GPRIN1: variants seen among roughly 807,000 people sequenced by gnomAD.
GPRIN1 encodes the protein G protein-regulated inducer of neurite outgrowth 1.
A neutral mutation model predicts 2.8 loss-of-function variants in GPRIN1; 4 were observed. The ratio of observed to expected loss-of-function variants is 1.45; its 90% CI spans 0.71 to 3.32. GPRIN1 has a LOEUF of 3.32. Among genes scored for constraint, GPRIN1 ranks in the 30% most tolerant of loss-of-function variants. The pLI is 0.01. For missense variants in GPRIN1, 1,322 were observed against 1,343.4 expected (o/e 0.98, Z 0.25); for synonymous variants, 589 against 589.9 (o/e 1.00, Z 0.02).
rs1440748988 is a variant in GPRIN1, at chr5:176,599,458, G to A, written c.377C>T (p.Ser126Phe). ...GGAGGACACAGGCTCTGGCTTCCCA[G>A]ACGTGGTGGCTTCTGGTGTCCCTGA... ...SISGTPEATT[S>F]GKPEPVSSVK... is the part of the protein sequence containing the mutation. Residue 126 changes from serine (S) to phenylalanine (F), a missense_variant, in exon 2 of 2, where the codon TCT becomes TTT. Transcript: ENST00000303991. 1.2e-6 allele frequency: 2 copies of A among 1,614,160 alleles called. No individual in the cohort carries two copies. The highest frequency in any genetic ancestry group is 1.7e-6 in the Non-Finnish European group (2 of 1,179,988).
chr5:176,597,387 C>T lies in GPRIN1; in HGVS notation c.2448G>A (p.Ala816=), dbSNP rs1759058235. 4.7e-6 allele frequency: 6 copies of T among 1,282,658 alleles called. No homozygotes were observed. Among genetic ancestry groups the T allele is most frequent in the Non-Finnish European group, 5.9e-6 (6 of 1,019,110 alleles). The allele number at this position is 1,282,658 out of a possible 1,614,324, so 79.5% of individuals were successfully genotyped here. Reference sequence around the variant, plus strand: ...CCACTGAGACGCAGGCCTGCGCGCCCGCCTGAGTGCCCGCGTCCTCGCGCG... The same window carrying T: ...CCACTGAGACGCAGGCCTGCGCGCCTGCCTGAGTGCCCGCGTCCTCGCGCG... ...PPPREDAGTQ[A]GAQACVSVAV... is the part of the protein sequence containing the mutation. The change falls in exon 2 of 2, where the codon GCG becomes GCA. Residue 816 remains alanine (A), a synonymous_variant. Transcript: ENST00000303991. This position sits in a 1 kb window ranked among gnomAD's most constrained non-coding sequence, Gnocchi z 6.1.
Position 176,599,327 on chromosome 5 carries a change from C to G in GPRIN1, c.508G>C (p.Asp170His), listed in dbSNP as rs1759108922. The change falls in exon 2 of 2, where the codon GAT (aspartate) becomes CAT (histidine). Residue 170 changes from aspartate (D) to histidine (H), a missense_variant. By Grantham distance (81) the Asp-to-His change is moderately conservative (BLOSUM62 -1). This residue lies in a region of GPRIN1 where 1,117 missense variants were observed against 1,128.6 expected (regional missense o/e 0.99). Transcript: ENST00000303991. ...TCTGCCTTCCGTGAGGACCCAGGAT[C>G]CTCCTTTCCTATGGAAGTGGAATCG... Reference protein sequence around the residue: ...QADSTSIGKEDPGSSRKADPM... With the variant: ...QADSTSIGKEHPGSSRKADPM... 6.2e-7 allele frequency: 1 copy of G among 1,614,100 alleles called. No homozygotes were observed. The highest frequency in any genetic ancestry group is 8.5e-7 in the Non-Finnish European group (1 of 1,180,046).
In GPRIN1 at chr5:176,595,922, G is replaced by T. The variant is rs768002048; in HGVS notation, c.*886C>A. The T allele has an allele frequency of 2.6e-6, 1 of 384,744 alleles. No individual in the cohort carries two copies. Among genetic ancestry groups the T allele is most frequent in the East Asian group, 4.0e-5 (1 of 25,054 alleles). 23.8% of individuals were successfully genotyped at this position (384,744 alleles called of 1,614,324 possible). A position where few individuals can be genotyped will look rare whatever the true frequency, so the allele number is the denominator to read the frequency against. ...GGACTTGGGCTCACAGCACAGGGGG[G>T]ACAAGGGGCTGGAGAGGGTGGCCTT... On this transcript the variant is annotated 3_prime_UTR_variant, in exon 2 of 2. Transcript: ENST00000303991.
rs768864532 is a variant in GPRIN1 at position 176,598,359 on chromosome 5, T to A, written c.1476A>T (p.Ser492=). 6.2e-7 allele frequency: 1 copy of A among 1,613,852 alleles called. No homozygotes were observed. Among genetic ancestry groups the A allele is most frequent in the South Asian group, 1.1e-5 (1 of 91,074 alleles). The part of the protein sequence containing the change: ...ESSGKTNPVS[S]GPGDPRSLGT... ...CCAAGGACCTGGGATCGCCTGGACCTGAAGACACAGGGTTTGTCTTTCCTG... is the reference window on the plus strand; with the variant it reads ...CCAAGGACCTGGGATCGCCTGGACCAGAAGACACAGGGTTTGTCTTTCCTG... The change falls in exon 2 of 2, where the codon TCA becomes TCT. Residue 492 remains serine (S), a synonymous_variant. Coordinates refer to ENST00000303991, the MANE Select transcript of GPRIN1 (RefSeq NM_052899.3).
rs746261506 is a variant in GPRIN1, at chr5:176,598,604, T to C, written c.1231A>G (p.Met411Val). ...DLTSLKNVDP[M>V]SSGKVDPVSL... ...ACTGGATCCACCTTGCCTGAAGACA[T>C]GGGATCCACATTTTTCAAAGATGTG... The change falls in exon 2 of 2, where the codon ATG becomes GTG. Residue 411 changes from methionine to valine, a missense_variant. Physicochemically the swap from Met to Val is conservative, Grantham distance 21. This residue lies in a region of GPRIN1 where 1,117 missense variants were observed against 1,128.6 expected (regional missense o/e 0.99). Transcript: ENST00000303991. 2 of 1,614,110 alleles carry C rather than the reference T, an allele frequency of 1.2e-6. No individual in the cohort carries two copies. The highest frequency in any genetic ancestry group is 1.7e-5 in the Admixed American group (1 of 60,026).
intron 1 of GPRIN1, among the ~76,000 whole-genome samples, chr5:176,608,332 T>G (rs1759255707): frequency 1.3e-5 from 2 of 152,138 alleles, no homozygotes; most frequent in African/African-American, 2.4e-5. Flanking sequence ...CCCCTCCCCC[T>G]GCATACATTC....
At chr5:176,606,799 C>G (rs1759226280) in intron 1 of GPRIN1, among the ~76,000 whole-genome samples, 1 of 152,244 alleles carries the variant, frequency 6.6e-6, no homozygotes, top group South Asian at 2.1e-4. Flanking sequence ...CGAGCCCTTA[C>G]TATGTGCAAA....
Position 176,602,306 on chromosome 5 carries a change from A to G in GPRIN1, c.-43-2429T>C, listed in dbSNP as rs982754566. ...CTGGCATTCTCCACCCTCTTATTCTAATCAGTTTTCCTCCATAGTACCTGT... is the reference window on the plus strand; with the variant it reads ...CTGGCATTCTCCACCCTCTTATTCTGATCAGTTTTCCTCCATAGTACCTGT... On this transcript the variant is annotated intron_variant, in intron 1 of 1. Transcript: ENST00000303991. The surrounding 1 kb of genome is among the most constrained non-coding windows in gnomAD (Gnocchi z 4.4). Among the ~76,000 whole-genome samples, 2 of 152,208 alleles carry G rather than the reference A, an allele frequency of 1.3e-5. No homozygotes were observed. The highest frequency in any genetic ancestry group is 4.8e-5 in the African/African-American group (2 of 41,528).
At chr5:176,608,811 C>T (rs1561889480) in intron 1 of GPRIN1, among the ~76,000 whole-genome samples, 1 of 152,168 alleles carries the variant, frequency 6.6e-6, no homozygotes, top group Non-Finnish European at 1.5e-5. Flanking sequence ...ATCCTTACAC[C>T]CATAAACAGG....
chr5:176,599,220 A>G lies in GPRIN1; in HGVS notation c.615T>C (p.Thr205=), dbSNP rs1474331582. The change falls in exon 2 of 2, where the codon ACT becomes ACC. Residue 205 remains threonine (T), a synonymous_variant. Coordinates refer to ENST00000303991, the MANE Select transcript of GPRIN1 (RefSeq NM_052899.3). ...PVAPGRMDPM[T]VRKEDLGSLG... is the part of the protein sequence containing the mutation. ...GGGATCCAAGATCTTCCTTTCTTACAGTCATGGGATCCATCCTTCCAGGAG... is the reference window on the plus strand; with the variant it reads ...GGGATCCAAGATCTTCCTTTCTTACGGTCATGGGATCCATCCTTCCAGGAG... The G allele has an allele frequency of 6.2e-7, 1 of 1,613,636 alleles. No homozygotes were observed. Among genetic ancestry groups the G allele is most frequent in the Non-Finnish European group, 8.5e-7 (1 of 1,179,936 alleles).
In GPRIN1 at chr5:176,602,623, T is replaced by C. The variant is rs1759162443; in HGVS notation, c.-43-2746A>G. Among the ~76,000 whole-genome samples, 1 of 152,196 alleles carries C rather than the reference T, an allele frequency of 6.6e-6. No homozygotes were observed. The highest frequency in any genetic ancestry group is 2.4e-5 in the African/African-American group (1 of 41,444). The stretch of plus-strand genomic sequence containing the variant: ...TTAGAAGGACATTTATCAATTTCTA[T>C]CAAAGTTTACAACGCGCATAGCATT... On this transcript the variant is annotated intron_variant, in intron 1 of 1. Coordinates refer to ENST00000303991, the MANE Select transcript of GPRIN1 (RefSeq NM_052899.3). The surrounding 1 kb of genome is among the most constrained non-coding windows in gnomAD (Gnocchi z 4.4).
At position 176,598,376 on chromosome 5, in the gene GPRIN1, T is replaced by C. The variant is rs200890827; in HGVS notation, c.1459A>G (p.Thr487Ala). 2 of 1,613,950 alleles carry C rather than the reference T, an allele frequency of 1.2e-6. No individual in the cohort carries two copies. Among genetic ancestry groups the C allele is most frequent in the Non-Finnish European group, 1.7e-6 (2 of 1,179,914 alleles). ...CCTGGACCTGAAGACACAGGGTTTG[T>C]CTTTCCTGAAGACTCAGGATTCACT... The part of the protein sequence containing the change: ...EKVNPESSGK[T>A]NPVSSGPGDP... The change falls in exon 2 of 2, where the codon ACA becomes GCA. Residue 487 changes from threonine to alanine, a missense_variant. Thr to Ala is a moderately conservative substitution (Grantham distance 58). Coordinates refer to ENST00000303991, the MANE Select transcript of GPRIN1 (RefSeq NM_052899.3).
In GPRIN1 at chr5:176,602,261, AG is replaced by A. The variant is rs1486421216; in HGVS notation, c.-43-2385del. ...TTCCCTGACCCATGCAATGTAAAAC[AG>A]CCTCCTCCCCAGCTCTGGCTGGCAT... On this transcript the variant is annotated intron_variant, in intron 1 of 1. Coordinates refer to ENST00000303991, the MANE Select transcript of GPRIN1 (RefSeq NM_052899.3). This position sits in a 1 kb window ranked among gnomAD's most constrained non-coding sequence, Gnocchi z 4.4. Among the ~76,000 whole-genome samples, 1 of 152,160 alleles carries A rather than the reference AG, an allele frequency of 6.6e-6. No individual in the cohort carries two copies. The highest frequency in any genetic ancestry group is 1.5e-5 in the Non-Finnish European group (1 of 68,042).
chr5:176,607,577 CA>C (rs1457228279), intron 1 of GPRIN1, among the ~76,000 whole-genome samples: 1 of 152,198 alleles, frequency 6.6e-6, no homozygotes, highest in Non-Finnish European at 1.5e-5. Context: ...CTCCTGGCCT[CA>C]AGTGATCCAC....
Position 176,598,354 on chromosome 5 carries a change from G to A in GPRIN1, c.1481C>T (p.Pro494Leu), listed in dbSNP as rs767110148. ...SGKTNPVSSG[P>L]GDPRSLGTAG... ...TGTCCCCAAGGACCTGGGATCGCCT[G>A]GACCTGAAGACACAGGGTTTGTCTT... Residue 494 changes from proline to leucine, a missense_variant, in exon 2 of 2, where the codon CCA becomes CTA. This residue lies in a region of GPRIN1 where 1,117 missense variants were observed against 1,128.6 expected (regional missense o/e 0.99). Transcript: ENST00000303991. 6.8e-6 allele frequency: 11 copies of A among 1,613,664 alleles called. No homozygotes were observed. The highest frequency in any genetic ancestry group is 7.6e-6 in the Non-Finnish European group (9 of 1,179,768).
In GPRIN1 at chr5:176,597,005, G is replaced by T. The variant is rs1267738086; in HGVS notation, c.2830C>A (p.Arg944=). 7.0e-7 allele frequency: 1 copy of T among 1,434,184 alleles called. No homozygotes were observed. The highest frequency in any genetic ancestry group is 9.2e-7 in the Non-Finnish European group (1 of 1,086,598). The allele number at this position is 1,434,184 out of a possible 1,614,324, so 88.8% of individuals were successfully genotyped here. ...LGMAIQKHLE[R]QIEEHGRQGA... ...TGGCGGCCGTGCTCCTCGATCTGTC[G>T]CTCCAGATGCTTCTGGATGGCCATG... Residue 944 remains arginine (R), a synonymous_variant, in exon 2 of 2, where the codon CGA becomes AGA. Transcript: ENST00000303991. The surrounding 1 kb of genome is among the most constrained non-coding windows in gnomAD (Gnocchi z 6.1).
At chr5:176,608,726 G>A (rs2113356441) in intron 1 of GPRIN1, among the ~76,000 whole-genome samples, 1 of 152,296 alleles carries the variant, frequency 6.6e-6, no homozygotes, top group South Asian at 2.1e-4. Context: ...AGCAGCCCCT[G>A]TGGCTGCCCA....
At chr5:176,600,567 A>G (rs921752208) in intron 1 of GPRIN1, among the ~76,000 whole-genome samples, 3 of 152,212 alleles carry the variant, frequency 2.0e-5, no homozygotes, top group Admixed American at 2.0e-4. Context: ...TGGGTTAGGT[A>G]TAAGACAAAA....
chr5:176,598,740 AG>A lies in GPRIN1; in HGVS notation c.1094del (p.Pro365LeufsTer41). On this transcript the variant is annotated frameshift_variant, in exon 2 of 2. Coordinates refer to ENST00000303991, the MANE Select transcript of GPRIN1 (RefSeq NM_052899.3). LOFTEE classifies it low-confidence loss of function (END_TRUNC). ...PASVGNVETV[P>X]ATKEDSRFLG... is the part of the protein sequence containing the mutation. ...GGAACCGGGAGTCCTCTTTTGTGGC[AG>A]GCACAGTTTCTACATTTCCCACAGA... 6.2e-7 allele frequency: 1 copy of A among 1,613,724 alleles called. No homozygotes were observed. The highest frequency in any genetic ancestry group is 8.5e-7 in the Non-Finnish European group (1 of 1,180,026).
Sources: allele counts gnomAD v4.1 joint callset (sites outside exome capture counted in the v4.1 genomes callset), GRCh38; gene constraint gnomAD v4.1.1; regional missense constraint gnomAD v4.1.1; non-coding constraint Gnocchi (gnomAD v3.1); transcripts MANE v1.5; gene names NCBI Gene and HGNC (gene_info 2026-07-23, HGNC 2026-07-21).